MLIP: variants seen among roughly 807,000 people sequenced by gnomAD.
MLIP encodes the protein muscular LMNA-interacting protein.
Under a neutral mutation model 84.8 loss-of-function variants are expected in MLIP, and 79 were observed. The observed-to-expected ratio is 0.93, with a 90% CI of 0.78 to 1.12. The LOEUF is 1.12. Among genes scored for constraint, MLIP ranks in the 50% most tolerant of loss-of-function variants. The probability of loss-of-function intolerance (pLI) is 0.00; values close to 1 mark genes in which losing one functional copy is unlikely to be tolerated. For missense variants in MLIP, 1,257 were observed against 1,160.6 expected (o/e 1.08, Z -1.21); for synonymous variants, 504 against 463.0 (o/e 1.09, Z -1.14).
intron 1 of MLIP, among the ~76,000 whole-genome samples, chr6:54,027,951 C>T (rs573698032): frequency 6.6e-5 from 10 of 151,966 alleles, no homozygotes; most frequent in East Asian, 5.8e-4. Context: ...GTACGTGTGG[C>T]GAAATATTTT....
At chr6:54,135,597 A>G (rs868236221) in intron 3 of MLIP, among the ~76,000 whole-genome samples, 22 of 152,200 alleles carry the variant, frequency 1.4e-4, no homozygotes, top group Middle Eastern at 3.4e-3. Flanking sequence ...GTTTATATAC[A>G]TTTTCCTGCT....
chr6:54,018,975 G>T, exon 1 of MLIP: 1 of 1,482,002 alleles, frequency 6.7e-7, no homozygotes, highest in Non-Finnish European at 9.4e-7. Context: ...TTTCTAGACA[G>T]AATCTGAACC....
chr6:54,201,656 G>A (rs992030322), intron 10 of MLIP, among the ~76,000 whole-genome samples: 1 of 152,124 alleles, frequency 6.6e-6, no homozygotes, highest in Non-Finnish European at 1.5e-5. Context: ...ATGGCATCTG[G>A]GGGCCCAGCT....
intron 5 of MLIP, among the ~76,000 whole-genome samples, chr6:54,150,063 T>C (rs1773279474): frequency 6.6e-6 from 1 of 152,196 alleles, no homozygotes; most frequent in African/African-American, 2.4e-5. Context: ...AACCAGGTGG[T>C]ATTATGATCA....
intron 4 of MLIP, among the ~76,000 whole-genome samples, chr6:54,143,722 A>G (rs985498658): frequency 6.6e-6 from 1 of 152,190 alleles, no homozygotes; most frequent in South Asian, 2.1e-4. Flanking sequence ...CTTGAACCAT[A>G]GACGAAGAAC....
rs188361709 is a variant in MLIP at position 54,097,878 on chromosome 6, C to A, written c.64-23569C>A. Among the ~76,000 whole-genome samples the A allele has an allele frequency of 4.0e-4, 61 of 152,202 alleles. No homozygotes were observed. The East Asian group carries it at 0.01, about 25-fold the overall frequency. ...TCACACAAACTGTAAATGGCAGAACCCAGCCTCACACTCATGTTTGTCAAA... is the reference window on the plus strand; with the variant it reads ...TCACACAAACTGTAAATGGCAGAACACAGCCTCACACTCATGTTTGTCAAA... On this transcript the variant is annotated intron_variant, in intron 1 of 12. Coordinates refer to the MLIP transcript ENST00000274897.
chr6:54,135,302 T>A (rs895420553), intron 3 of MLIP, among the ~76,000 whole-genome samples: 2 of 152,092 alleles, frequency 1.3e-5, no homozygotes, highest in Non-Finnish European at 2.9e-5. Context: ...ATATTCTGGG[T>A]TACGCCAATA....
chr6:54,256,215 G>A (rs914565319), intron 12 of MLIP, among the ~76,000 whole-genome samples: 1 of 152,132 alleles, frequency 6.6e-6, no homozygotes, highest in South Asian at 2.1e-4. Context: ...ACAAAAACTG[G>A]CTCCATTCTT....
chr6:54,032,688 G>T (rs893679292), intron 1 of MLIP, among the ~76,000 whole-genome samples: 1 of 152,092 alleles, frequency 6.6e-6, no homozygotes, highest in Non-Finnish European at 1.5e-5. Flanking sequence ...TGAGTAGCTG[G>T]GACTAGAGGT....
intron 11 of MLIP, among the ~76,000 whole-genome samples, chr6:54,221,884 A>G (rs1045996558): frequency 6.6e-6 from 1 of 152,072 alleles, no homozygotes; most frequent in Non-Finnish European, 1.5e-5. Context: ...AATTGCCAAG[A>G]TGGAAACAAT....
chr6:54,072,175 C>G (rs1766525885), intron 1 of MLIP, among the ~76,000 whole-genome samples: 1 of 152,118 alleles, frequency 6.6e-6, no homozygotes, highest in Admixed American at 6.6e-5. Flanking sequence ...CTGAAGGACC[C>G]CATGAGGAAC....
rs1776770230 is a variant in MLIP, at chr6:54,180,749, T to C, written c.2545-9121T>C. ...GGAATTCTAAATTCCTTCTCTGTGT[T>C]ATCTTGAATTTCTTTGAGTAGTCTC... On this transcript the variant is annotated intron_variant, in intron 9 of 13. Transcript: ENST00000502396. Among the ~76,000 whole-genome samples, 2 of 152,196 alleles carry C rather than the reference T, an allele frequency of 1.3e-5. 1 individual carries two copies. Among genetic ancestry groups the C allele is most frequent in the South Asian group, 4.1e-4 (2 of 4,832 alleles).
At chr6:54,082,730 T>C (rs534132808) in intron 1 of MLIP, among the ~76,000 whole-genome samples, 18 of 146,966 alleles carry the variant, frequency 1.2e-4, no homozygotes, top group African/African-American at 4.0e-4. Context: ...TGCATTTTCC[T>C]GATTACTAGT....
chr6:54,186,702 C>G (rs1340667), intron 9 of MLIP, among the ~76,000 whole-genome samples: 129,258 of 152,132 alleles, frequency 0.85, 55,978 homozygotes, highest in Non-Finnish European at 0.94. Context: ...CACTCTCCAT[C>G]ATGAGATCAG....
At position 54,135,237 on chromosome 6, in the gene MLIP, T is replaced by G. The variant is rs530929587; in HGVS notation, c.646-1478T>G. The stretch of plus-strand genomic sequence containing the variant: ...ACTTATACGAGTGAATTGCTAAGCT[T>G]TCTTCTTCCATTTGATTCAATTCTG... On this transcript the variant is annotated intron_variant, in intron 3 of 13. Transcript: ENST00000502396. Among the ~76,000 whole-genome samples, 7 of 152,196 alleles carry G rather than the reference T, an allele frequency of 4.6e-5. No individual in the cohort carries two copies. In the South Asian group the frequency reaches 1.4e-3, roughly 32 times the overall value.
At chr6:54,050,672 G>A (rs1765324285) in intron 1 of MLIP, among the ~76,000 whole-genome samples, 1 of 152,044 alleles carries the variant, frequency 6.6e-6, no homozygotes, top group Non-Finnish European at 1.5e-5. Context: ...TTTTAATGAT[G>A]AAACATAAAA....
intron 1 of MLIP, among the ~76,000 whole-genome samples, chr6:54,098,269 C>T (rs1387899219): frequency 1.3e-5 from 2 of 151,014 alleles, no homozygotes; most frequent in African/African-American, 4.9e-5. Context: ...GCTCCTCCAC[C>T]TCCACCTCCC....
intron 9 of MLIP, among the ~76,000 whole-genome samples, chr6:54,178,049 C>T (rs568318069): frequency 3.3e-5 from 5 of 151,958 alleles, no homozygotes; most frequent in Admixed American, 1.3e-4. Context: ...TGGGGCCTCT[C>T]GGGAGGGTAG....
At chr6:54,118,073 G>T (rs1770112372) in intron 1 of MLIP, among the ~76,000 whole-genome samples, 1 of 152,182 alleles carries the variant, frequency 6.6e-6, no homozygotes, top group East Asian at 1.9e-4. Flanking sequence ...GGAAGAATAA[G>T]TGTTGTTAAA....
Sources: allele counts gnomAD v4.1 joint callset (sites outside exome capture counted in the v4.1 genomes callset), GRCh38; gene constraint gnomAD v4.1.1; transcripts MANE v1.5; gene names NCBI Gene and HGNC (gene_info 2026-07-23, HGNC 2026-07-21).